Variants in ANO4 observed in about 807,000 individuals in gnomAD.
ANO4 encodes the protein anoctamin-4.
Under a neutral mutation model 141.9 loss-of-function variants are expected in ANO4, and 69 were observed. The ratio of observed to expected loss-of-function variants is 0.49; its 90% CI spans 0.40 to 0.59. The LOEUF (loss-of-function observed/expected upper bound fraction) is 0.59. Ranked by LOEUF, ANO4 falls within the 20% of genes least tolerant of loss-of-function variation. ANO4 has a pLI of 0.00. For missense variants in ANO4, 894 were observed against 1,162.2 expected (o/e 0.77, Z 3.36); for synonymous variants, 350 against 394.3 (o/e 0.89, Z 1.33).
chr12:101,051,610 A>C (rs1015699784), intron 14 of ANO4, among the ~76,000 whole-genome samples: 7 of 152,338 alleles, frequency 4.6e-5, no homozygotes, highest in South Asian at 4.1e-4. Flanking sequence ...AGGGATTACT[A>C]TGTACTAAAT....
chr12:101,067,132 G>T, intron 14 of ANO4: 1 of 322,630 alleles, frequency 3.1e-6, no homozygotes. Context: ...TTTTTATAAT[G>T]GATTGTGAAA....
chr12:101,085,289 T>C (rs2049440554), intron 16 of ANO4, among the ~76,000 whole-genome samples: 1 of 152,304 alleles, frequency 6.6e-6, no homozygotes, highest in East Asian at 1.9e-4. Flanking sequence ...CAAAACTTTT[T>C]GGAGTCTCAG....
At chr12:100,848,245 C>G (rs577453986) in intron 1 of ANO4, among the ~76,000 whole-genome samples, 2 of 152,036 alleles carry the variant, frequency 1.3e-5, no homozygotes, top group Admixed American at 1.3e-4. Context: ...TTGGGATAGC[C>G]CAATAAAACC....
chr12:100,949,048 G>A (rs1276030349), intron 5 of ANO4, among the ~76,000 whole-genome samples: 4 of 152,116 alleles, frequency 2.6e-5, no homozygotes, highest in Non-Finnish European at 4.4e-5. Flanking sequence ...TCCAGCTGAC[G>A]TCCAGCAACA....
chr12:100,983,541 C>G (rs2044576858), intron 7 of ANO4, among the ~76,000 whole-genome samples: 1 of 152,142 alleles, frequency 6.6e-6, no homozygotes, highest in Non-Finnish European at 1.5e-5. Context: ...TGGCACAATT[C>G]AGTTCATGTA....
chr12:101,083,615 A>T, intron 15 of ANO4, 63 bp from the exon 16 acceptor site: 1 of 1,538,438 alleles, frequency 6.5e-7, no homozygotes, highest in Non-Finnish European at 8.7e-7. Flanking sequence ...GTAAAATGAT[A>T]TTTCTTTTTT....
At chr12:101,121,985 C>G (rs1227219603) in intron 26 of ANO4, among the ~76,000 whole-genome samples, 1 of 152,022 alleles carries the variant, frequency 6.6e-6, no homozygotes, top group Admixed American at 6.5e-5. Flanking sequence ...TGGTCTTAAC[C>G]TGACCTCATG....
At chr12:100,970,464 A>G (rs2043866302) in intron 5 of ANO4, among the ~76,000 whole-genome samples, 2 of 151,780 alleles carry the variant, frequency 1.3e-5, no homozygotes, top group African/African-American at 2.4e-5. Context: ...CGCTCATCCC[A>G]TGCTCTTTCC....
At chr12:100,972,679 A>G (rs2043981622) in intron 6 of ANO4, among the ~76,000 whole-genome samples, 1 of 152,224 alleles carries the variant, frequency 6.6e-6, no homozygotes. Context: ...TGTATCAATG[A>G]TATAATAAGT....
At position 100,977,802 on chromosome 12, in the gene ANO4, A is replaced by G. The variant is rs184696567; in HGVS notation, c.602+2913A>G. Among the ~76,000 whole-genome samples, 467 of 152,280 alleles carry G rather than the reference A, an allele frequency of 3.1e-3. 5 individuals are homozygous for G. The highest frequency in any genetic ancestry group is 9.9e-3 in the African/African-American group (412 of 41,550). On this transcript the variant is annotated intron_variant, in intron 7 of 27. Coordinates refer to ENST00000392977, the MANE Select transcript of ANO4 (RefSeq NM_001286615.2). ...TGGTGGCTACCATAGAGTGATCACA[A>G]TAAGGTTAAAAGCATTAGCTTAATT...
intron 17 of ANO4, among the ~76,000 whole-genome samples, chr12:101,087,844 G>A (rs2049568851): frequency 6.6e-6 from 1 of 152,126 alleles, no homozygotes; most frequent in South Asian, 2.1e-4. Flanking sequence ...AATGTATCCA[G>A]AATTTGATCA....
chr12:100,987,872 G>A (rs2044787300), intron 8 of ANO4, among the ~76,000 whole-genome samples: 1 of 152,150 alleles, frequency 6.6e-6, no homozygotes, highest in Non-Finnish European at 1.5e-5. Context: ...GCATCTCAGT[G>A]GCTTAAGATG....
chr12:100,861,293 T>C (rs1232734514), intron 1 of ANO4, among the ~76,000 whole-genome samples: 1 of 152,176 alleles, frequency 6.6e-6, no homozygotes, highest in African/African-American at 2.4e-5. Flanking sequence ...CTCAACAGTG[T>C]GTACTTAAAC....
intron 17 of ANO4, among the ~76,000 whole-genome samples, chr12:101,090,225 T>A (rs1211608988): frequency 2.0e-5 from 3 of 152,348 alleles, no homozygotes; most frequent in Admixed American, 6.5e-5. Flanking sequence ...AAATACCATT[T>A]GGCCCAGCCA....
intron 16 of ANO4, 77 bp downstream of exon 16, chr12:101,083,895 T>C: frequency 7.6e-7 from 1 of 1,319,808 alleles, no homozygotes; most frequent in Non-Finnish European, 1.0e-6. Context: ...TATTGGGCAT[T>C]TGCATTGTTC....
At chr12:100,879,439 ATTG>A (rs1341345995) in intron 1 of ANO4, among the ~76,000 whole-genome samples, 1 of 152,172 alleles carries the variant, frequency 6.6e-6, no homozygotes, top group South Asian at 2.1e-4. Flanking sequence ...TGTAAATCTA[ATTG>A]TTGTTTCTCT....
rs139307373 is a variant in ANO4 at position 100,851,212 on chromosome 12, C to A, written c.-140-50434C>A. 3.9e-5 allele frequency among the ~76,000 whole-genome samples: 6 copies of A among 152,252 alleles called. No homozygotes were observed. The East Asian group carries it at 9.6e-4, about 24-fold the overall frequency. On this transcript the variant is annotated intron_variant, in intron 1 of 27. Transcript: ENST00000392977. ...TATGAAGTTGTCCATATCATATATTCTTTTAACTTTGTCCCCCATTTTTTA... is the reference window on the plus strand; with the variant it reads ...TATGAAGTTGTCCATATCATATATTATTTTAACTTTGTCCCCCATTTTTTA...
intron 1 of ANO4, among the ~76,000 whole-genome samples, chr12:100,814,538 A>T (rs962483433): frequency 1.1e-4 from 16 of 152,080 alleles, no homozygotes; most frequent in Non-Finnish European, 2.2e-4. Flanking sequence ...TTAAAAAACC[A>T]CTCTGATGTT....
chr12:100,778,122 T>C (rs2033592539), intron 3 of ANO4, among the ~76,000 whole-genome samples: 2 of 152,106 alleles, frequency 1.3e-5, no homozygotes, highest in African/African-American at 4.8e-5. Context: ...GGTTTCACCG[T>C]ATTAGCCAGG....
Sources: gnomAD v4.1 joint callset for allele counts (sites outside exome capture counted in the v4.1 genomes callset) on GRCh38, gnomAD v4.1.1 for gene constraint, MANE v1.5 for transcripts, NCBI Gene and HGNC (gene_info 2026-07-23, HGNC 2026-07-21) for gene names.